The following ZFPM2 variants were observed in gnomAD, a reference collection of about 807,000 sequenced individuals.
ZFPM2 encodes zinc finger protein ZFPM2.
In ZFPM2, 20 loss-of-function variants were observed where a neutral mutation model predicts 98.6. The observed-to-expected ratio is 0.20, with a 90% CI of 0.14 to 0.29. The LOEUF (loss-of-function observed/expected upper bound fraction) is 0.29. Among genes scored for constraint, ZFPM2 ranks in the 10% least tolerant of loss-of-function variants. The pLI, the probability that ZFPM2 is intolerant of heterozygous loss-of-function variation, is 1.00. For synonymous variants in ZFPM2, 518 were observed against 502.7 expected (o/e 1.03, Z -0.41); for missense variants, 1,310 against 1,388.6 (o/e 0.94, Z 0.90).
At chr8:105,641,374 G>A (rs1945693109) in intron 5 of ZFPM2, among the ~76,000 whole-genome samples, 1 of 151,980 alleles carries the variant, frequency 6.6e-6, no homozygotes, top group Admixed American at 6.6e-5. Flanking sequence ...AACATCTGAG[G>A]CTTTTTCTGG....
At chr8:105,533,722 C>T in intron 3 of ZFPM2, among the ~76,000 whole-genome samples, 1 of 112,160 alleles carries the variant, frequency 8.9e-6, no homozygotes, top group Non-Finnish European at 1.9e-5. Flanking sequence ...TACTTTCTCC[C>T]TCCCTCCCTT....
chr8:105,379,812 A>G (rs565990159), intron 1 of ZFPM2, among the ~76,000 whole-genome samples: 1 of 152,152 alleles, frequency 6.6e-6, no homozygotes, highest in Non-Finnish European at 1.5e-5. Context: ...CCATGAACAC[A>G]TGGTATAGAC....
chr8:105,602,481 T>C (rs1816113307), intron 4 of ZFPM2, among the ~76,000 whole-genome samples: 1 of 152,132 alleles, frequency 6.6e-6, no homozygotes, highest in South Asian at 2.1e-4. Context: ...CCTGACCTTC[T>C]CTAGAAGAAA....
intron 4 of ZFPM2, among the ~76,000 whole-genome samples, chr8:105,625,838 CT>C (rs964460154): frequency 1.3e-5 from 2 of 152,020 alleles, no homozygotes; most frequent in African/African-American, 4.8e-5. Context: ...CAACCTCAGT[CT>C]CCCAAAGTAC....
rs1310141055 is a variant in ZFPM2 at position 105,469,946 on chromosome 8, T to C, written c.301+25565T>C. On this transcript the variant is annotated intron_variant, in intron 3 of 7. Transcript: ENST00000407775. Reference sequence around the variant, plus strand: ...CTCAAAAACTTTTAGCTAACATAATTATTATTGTCATTATAAATATTCCCA... The same window carrying C: ...CTCAAAAACTTTTAGCTAACATAATCATTATTGTCATTATAAATATTCCCA... Among the ~76,000 whole-genome samples, 3 of 152,170 alleles carry C rather than the reference T, an allele frequency of 2.0e-5. No individual in the cohort carries two copies. The East Asian group carries it at 5.8e-4, about 29-fold the overall frequency.
Position 105,698,300 on chromosome 8 carries a change from G to A in ZFPM2, c.532+63943G>A, listed in dbSNP as rs183354352. Among the ~76,000 whole-genome samples the A allele has an allele frequency of 4.8e-4, 73 of 152,270 alleles. 1 individual carries two copies. The highest frequency in any genetic ancestry group is 4.8e-3 in the Admixed American group (73 of 15,308). ...GCAAAGCGGAAGAGACACTAGGGAAGGTGGCAGAGGTGGAGAGAGAAGGGG... is the reference window on the plus strand; with the variant it reads ...GCAAAGCGGAAGAGACACTAGGGAAAGTGGCAGAGGTGGAGAGAGAAGGGG... On this transcript the variant is annotated intron_variant, in intron 5 of 7. Transcript: ENST00000407775.
At chr8:105,608,248 G>A (rs1371936469) in intron 4 of ZFPM2, among the ~76,000 whole-genome samples, 1 of 152,018 alleles carries the variant, frequency 6.6e-6, no homozygotes, top group Non-Finnish European at 1.5e-5. Flanking sequence ...GTAACTGGGT[G>A]ATGAAATAAG....
chr8:105,795,705 C>A (rs1813783354), intron 6 of ZFPM2: 2 of 388,104 alleles, frequency 5.2e-6, no homozygotes, highest in African/African-American at 2.3e-5. Context: ...TGTGATTTTA[C>A]TTCATAAAAA....
At chr8:105,636,794 G>T (rs1054120934) in intron 5 of ZFPM2, among the ~76,000 whole-genome samples, 2 of 152,160 alleles carry the variant, frequency 1.3e-5, no homozygotes, top group East Asian at 3.8e-4. Flanking sequence ...GTTTTAACCT[G>T]TAAAGGGTAA....
At chr8:105,513,299 A>G (rs1480622515) in intron 3 of ZFPM2, among the ~76,000 whole-genome samples, 1 of 152,192 alleles carries the variant, frequency 6.6e-6, no homozygotes, top group Non-Finnish European at 1.5e-5. Context: ...TTTCACTAAA[A>G]TCCTCAGGTA....
intron 5 of ZFPM2, among the ~76,000 whole-genome samples, chr8:105,767,945 A>T (rs1051492976): frequency 2.0e-5 from 3 of 151,914 alleles, no homozygotes; most frequent in African/African-American, 7.2e-5. Flanking sequence ...GCTGTTATTT[A>T]TTGCTTTAGC....
chr8:105,799,045 G>A, intron 7 of ZFPM2, 97 bp downstream of exon 7: 1 of 1,131,870 alleles, frequency 8.8e-7, no homozygotes, highest in East Asian at 2.5e-5. Context: ...CTGTCTATCT[G>A]TAGCTATCTA....
intron 1 of ZFPM2, among the ~76,000 whole-genome samples, chr8:105,394,793 C>T (rs1219532921): frequency 6.6e-6 from 1 of 152,134 alleles, no homozygotes; most frequent in Non-Finnish European, 1.5e-5. Context: ...AAGGGTGCGT[C>T]ATTAAATGAG....
At chr8:105,658,696 A>AAAGATGAATG (rs1409754701) in intron 5 of ZFPM2, among the ~76,000 whole-genome samples, 4 of 151,948 alleles carry the variant, frequency 2.6e-5, no homozygotes, top group Non-Finnish European at 4.4e-5. Flanking sequence ...AAAGTGATCC[A>AAAGATGAATG]AAGATGAATG....
intron 4 of ZFPM2, among the ~76,000 whole-genome samples, chr8:105,577,178 AAAT>A (rs1376543841): frequency 9.8e-5 from 15 of 152,320 alleles, no homozygotes; most frequent in African/African-American, 3.1e-4. Context: ...AACTCTTCTA[AAAT>A]GTGGGATACA....
At chr8:105,505,841 CA>C (rs1463882843) in intron 3 of ZFPM2, among the ~76,000 whole-genome samples, 6 of 152,164 alleles carry the variant, frequency 3.9e-5, no homozygotes, top group Non-Finnish European at 7.4e-5. Context: ...ATTTCAGTTT[CA>C]AATTCCAATA....
intron 3 of ZFPM2, among the ~76,000 whole-genome samples, chr8:105,522,545 G>A (rs1486372886): frequency 6.6e-6 from 1 of 152,134 alleles, no homozygotes; most frequent in Non-Finnish European, 1.5e-5. Context: ...GACGAGGTGG[G>A]CAGATCATGA....
chr8:105,564,042 C>T (rs967306891), intron 4 of ZFPM2, among the ~76,000 whole-genome samples: 5 of 151,952 alleles, frequency 3.3e-5, no homozygotes, highest in African/African-American at 1.2e-4. Context: ...GAAGATAAAC[C>T]TGTCTGAGAA....
intron 5 of ZFPM2, among the ~76,000 whole-genome samples, chr8:105,783,927 A>T (rs1813337226): frequency 1.3e-5 from 2 of 152,178 alleles, no homozygotes; most frequent in African/African-American, 4.8e-5. Flanking sequence ...CTAAAATCAT[A>T]GGTAATTCTA....
Sources: gnomAD v4.1 joint callset for allele counts (sites outside exome capture counted in the v4.1 genomes callset) on GRCh38, gnomAD v4.1.1 for gene constraint, MANE v1.5 for transcripts, NCBI Gene and HGNC (gene_info 2026-07-23, HGNC 2026-07-21) for gene names.